The following DCC variants were observed in gnomAD, a reference collection of about 807,000 sequenced individuals.
DCC encodes DCC netrin 1 receptor.
In DCC, 58 loss-of-function variants were observed where a neutral mutation model predicts 172.5. The ratio of observed to expected loss-of-function variants is 0.34; its 90% CI spans 0.27 to 0.42. DCC has a LOEUF of 0.42. Ranked by LOEUF, DCC falls within the 10% of genes least tolerant of loss-of-function variation. The probability of loss-of-function intolerance (pLI) is 1.00; values close to 1 mark genes in which losing one functional copy is unlikely to be tolerated. For synonymous variants in DCC, 709 were observed against 644.5 expected (o/e 1.10, Z -1.52); for missense variants, 1,740 against 1,791.0 (o/e 0.97, Z 0.51).
chr18:52,643,270 T>A (rs909218710), intron 1 of DCC, among the ~76,000 whole-genome samples: 1 of 147,254 alleles, frequency 6.8e-6, no homozygotes, highest in South Asian at 2.1e-4. Context: ...ATTTTCAAGC[T>A]GTTGACCTAG....
chr18:53,162,623 TC>T (rs1267125583), intron 8 of DCC, among the ~76,000 whole-genome samples: 4 of 152,174 alleles, frequency 2.6e-5, no homozygotes, highest in Non-Finnish European at 5.9e-5. Context: ...TCTATTGAGA[TC>T]TTTGCGCTTG....
At chr18:52,829,414 TATC>T (rs1306671325) in intron 2 of DCC, among the ~76,000 whole-genome samples, 3 of 152,238 alleles carry the variant, frequency 2.0e-5, no homozygotes, top group Non-Finnish European at 4.4e-5. Flanking sequence ...GTGAAGGAGA[TATC>T]ATGGCACATC....
intron 7 of DCC, among the ~76,000 whole-genome samples, chr18:53,101,631 A>G (rs1367625720): frequency 1.3e-5 from 2 of 152,104 alleles, no homozygotes; most frequent in African/African-American, 2.4e-5. Context: ...CGTAGAGGAC[A>G]ATTTACTTTT....
intron 2 of DCC, among the ~76,000 whole-genome samples, chr18:52,805,050 C>T (rs1404645159): frequency 1.3e-5 from 2 of 152,156 alleles, no homozygotes; most frequent in Non-Finnish European, 2.9e-5. Context: ...TTCTTAATCT[C>T]TGTGAGCCTT....
chr18:52,894,553 AGATT>A (rs755423534), intron 2 of DCC, among the ~76,000 whole-genome samples: 1 of 152,012 alleles, frequency 6.6e-6, no homozygotes, highest in East Asian at 1.9e-4. Context: ...ACAGAGAAAG[AGATT>A]GATCACAAGG....
chr18:53,008,047 A>T (rs2041671486), intron 5 of DCC, among the ~76,000 whole-genome samples: 1 of 152,152 alleles, frequency 6.6e-6, no homozygotes, highest in African/African-American at 2.4e-5. Context: ...TGAAACTATG[A>T]AGCAACACCA....
At chr18:53,464,344 A>G (rs1039465314) in intron 24 of DCC, among the ~76,000 whole-genome samples, 1 of 152,240 alleles carries the variant, frequency 6.6e-6, no homozygotes, top group Non-Finnish European at 1.5e-5. Context: ...AATTCAGTGA[A>G]TAACATCTAT....
intron 10 of DCC, 127 bp downstream of exon 10, chr18:53,205,491 T>C: frequency 1.1e-6 from 1 of 900,544 alleles, no homozygotes; most frequent in Non-Finnish European, 1.9e-6. Flanking sequence ...AACACATTCA[T>C]TGAAAAGCTG....
At chr18:52,493,517 T>C (rs2144609408) in intron 1 of DCC, among the ~76,000 whole-genome samples, 1 of 152,240 alleles carries the variant, frequency 6.6e-6, no homozygotes, top group Admixed American at 6.5e-5. Flanking sequence ...AATATTTGCA[T>C]GGTGAATCAT....
rs755042751 is a variant in DCC at position 53,416,119 on chromosome 18, C to G, written c.3131-5C>G. 3 of 1,606,494 alleles carry G rather than the reference C, an allele frequency of 1.9e-6. No homozygotes were observed. The Admixed American group carries it at 5.0e-5, about 27-fold the overall frequency. ...CTAATAATGTTATTTCTTTTTCCCCCGCAGTGGAACACCCTGACAAAATGG... is the reference window on the plus strand; with the variant it reads ...CTAATAATGTTATTTCTTTTTCCCCGGCAGTGGAACACCCTGACAAAATGG... On this transcript the variant is annotated splice_region_variant and splice_polypyrimidine_tract_variant and intron_variant, in intron 20 of 28. Coordinates refer to ENST00000442544, the MANE Select transcript of DCC (RefSeq NM_005215.4).
chr18:53,269,647 A>G (rs943422542), intron 12 of DCC, among the ~76,000 whole-genome samples: 1 of 152,130 alleles, frequency 6.6e-6, no homozygotes, highest in African/African-American at 2.4e-5. Context: ...TGTATATTGT[A>G]TTGTTGTTTC....
At chr18:52,363,695 A>C (rs1175718555) in intron 1 of DCC, among the ~76,000 whole-genome samples, 1 of 152,244 alleles carries the variant, frequency 6.6e-6, no homozygotes, top group Admixed American at 6.5e-5. Context: ...GTGTTCAGCC[A>C]ACAGGAAGCA....
chr18:53,438,188 C>T (rs942773878), intron 22 of DCC, among the ~76,000 whole-genome samples: 2 of 151,962 alleles, frequency 1.3e-5, no homozygotes, highest in Admixed American at 1.3e-4. Flanking sequence ...GGAATACTAT[C>T]TATACTGGTA....
At chr18:52,662,262 A>T (rs2035373342) in intron 1 of DCC, among the ~76,000 whole-genome samples, 1 of 152,138 alleles carries the variant, frequency 6.6e-6, no homozygotes, top group Admixed American at 6.6e-5. Context: ...GACTTTGAAA[A>T]CTACTGTTCT....
In DCC at chr18:53,498,706, C is replaced by T. The variant is rs548616376; in HGVS notation, c.3899-592C>T. Among the ~76,000 whole-genome samples the T allele has an allele frequency of 5.9e-5, 9 of 152,318 alleles. No individual in the cohort carries two copies. The South Asian group carries it at 1.9e-3, about 32-fold the overall frequency. On this transcript the variant is annotated intron_variant, in intron 26 of 28. Transcript: ENST00000442544. Reference sequence around the variant, plus strand: ...CTATCAAAGAGGAAAAATTGCAATTCCGCATTCAGGCAACTTGTTCTGGCA... The same window carrying T: ...CTATCAAAGAGGAAAAATTGCAATTTCGCATTCAGGCAACTTGTTCTGGCA...
chr18:53,028,392 C>A (rs537684566), intron 5 of DCC, among the ~76,000 whole-genome samples: 10 of 152,216 alleles, frequency 6.6e-5, no homozygotes, highest in Admixed American at 6.6e-4. Context: ...CCCAGCTAAA[C>A]AGACTTGCCT....
At chr18:52,540,633 G>A (rs1299212672) in intron 1 of DCC, among the ~76,000 whole-genome samples, 2 of 91,050 alleles carry the variant, frequency 2.2e-5, no homozygotes, top group Non-Finnish European at 2.0e-5. Flanking sequence ...TTGAGACTGA[G>A]TCTTGCTCTT....
Position 52,376,675 on chromosome 18 carries a change from C to A in DCC, c.91+35797C>A, listed in dbSNP as rs181673070. On this transcript the variant is annotated intron_variant, in intron 1 of 28. Coordinates refer to ENST00000442544, the MANE Select transcript of DCC (RefSeq NM_005215.4). ...TTTGTTTATTTGGGGATTTTCTCTG[C>A]AATCATTTAGTGAATATCTACTGGG... Among the ~76,000 whole-genome samples, 451 of 152,248 alleles carry A rather than the reference C, an allele frequency of 3.0e-3. 5 individuals are homozygous for A. The highest frequency in any genetic ancestry group is 0.01 in the African/African-American group (429 of 41,548).
intron 2 of DCC, among the ~76,000 whole-genome samples, chr18:52,763,170 C>T (rs1021517214): frequency 6.6e-6 from 1 of 152,180 alleles, no homozygotes; most frequent in Non-Finnish European, 1.5e-5. Context: ...CTTTATCACC[C>T]TTGAAACAGG....
Sources: allele counts gnomAD v4.1 joint callset (sites outside exome capture counted in the v4.1 genomes callset), GRCh38; gene constraint gnomAD v4.1.1; transcripts MANE v1.5; gene names NCBI Gene and HGNC (gene_info 2026-07-23, HGNC 2026-07-21).